Variants in CEP112 observed in about 807,000 individuals in gnomAD.
CEP112 encodes the protein centrosomal protein of 112 kDa.
In CEP112, 127 loss-of-function variants were observed where a neutral mutation model predicts 153.0. That is an observed-to-expected ratio of 0.83 (90% CI 0.72 to 0.96). CEP112 has a LOEUF of 0.96. Ranked by LOEUF, CEP112 falls within the 40% of genes least tolerant of loss-of-function variation. The probability of loss-of-function intolerance (pLI) is 0.00; values close to 1 mark genes in which losing one functional copy is unlikely to be tolerated. For missense variants in CEP112, 1,089 were observed against 1,101.2 expected, an observed-to-expected ratio of 0.99 and a Z score of 0.16; for synonymous variants, 358 against 374.4, an observed-to-expected ratio of 0.96 and a Z score of 0.51.
intron 6 of CEP112, among the ~76,000 whole-genome samples, chr17:66,117,312 T>C (rs564472667): frequency 6.6e-6 from 1 of 152,284 alleles, no homozygotes; most frequent in South Asian, 2.1e-4. Flanking sequence ...TTCAGCTCTT[T>C]TACCCATCGT....
chr17:66,151,355 A>G (rs2071203358), intron 4 of CEP112, among the ~76,000 whole-genome samples: 1 of 151,852 alleles, frequency 6.6e-6, no homozygotes, highest in African/African-American at 2.4e-5. Flanking sequence ...ATACCTAGCT[A>G]TATGTCTTTT....
chr17:65,966,412 G>C (rs1359990500), intron 17 of CEP112, among the ~76,000 whole-genome samples: 2 of 152,180 alleles, frequency 1.3e-5, no homozygotes, highest in South Asian at 4.1e-4. Context: ...TTCTGTTCCA[G>C]TACATTTGAT....
At chr17:66,035,917 A>C (rs919461700) in intron 12 of CEP112, among the ~76,000 whole-genome samples, 3 of 152,222 alleles carry the variant, frequency 2.0e-5, no homozygotes, top group Non-Finnish European at 2.9e-5. Context: ...GTGATGGGGG[A>C]AAGTCAGCCT....
chr17:65,637,409 GC>G (rs2044830641), intron 25 of CEP112, among the ~76,000 whole-genome samples: 1 of 152,202 alleles, frequency 6.6e-6, no homozygotes, highest in African/African-American at 2.4e-5. Context: ...TCATTGCAGA[GC>G]CATTTTGATC....
intron 17 of CEP112, among the ~76,000 whole-genome samples, chr17:65,963,048 G>T: frequency 6.6e-6 from 1 of 152,162 alleles, no homozygotes; most frequent in East Asian, 1.9e-4. Flanking sequence ...AGGGCTTAGA[G>T]AATACTTCCA....
intron 2 of CEP112, among the ~76,000 whole-genome samples, chr17:66,179,350 G>T (rs2072620914): frequency 6.6e-6 from 1 of 151,692 alleles, no homozygotes; most frequent in Admixed American, 6.6e-5. Flanking sequence ...CTGTTTTTTT[G>T]TGTCTTCTTC....
rs542639760 is a variant in CEP112, at chr17:65,696,826, G to A, written c.2608-7608C>T. 1.1e-4 allele frequency among the ~76,000 whole-genome samples: 16 copies of A among 151,988 alleles called. No homozygotes were observed. The East Asian group carries it at 2.1e-3, about 20-fold the overall frequency. On this transcript the variant is annotated intron_variant, in intron 23 of 26. Transcript: ENST00000535342. ...TCAAAACATTGAAAAAAGAAAAAAA[G>A]TCCCACTTAAAAAAAAATGAGGTCA...
intron 19 of CEP112, among the ~76,000 whole-genome samples, chr17:65,903,611 T>C (rs1291593847): frequency 6.6e-6 from 1 of 152,178 alleles, no homozygotes; most frequent in Non-Finnish European, 1.5e-5. Flanking sequence ...TAATTCATTT[T>C]ATGAGGCCAG....
intron 17 of CEP112, among the ~76,000 whole-genome samples, chr17:65,966,906 T>C (rs1400478054): frequency 6.6e-6 from 1 of 152,174 alleles, no homozygotes; most frequent in African/African-American, 2.4e-5. Context: ...ACTTCCCAAA[T>C]TGATCTACAG....
intron 21 of CEP112, among the ~76,000 whole-genome samples, chr17:65,776,088 C>G (rs1188964575): frequency 6.6e-6 from 1 of 152,212 alleles, no homozygotes. Flanking sequence ...CAGTCTCACA[C>G]AAGTCGCTGG....
chr17:65,923,949 T>C (rs368122786), intron 19 of CEP112, among the ~76,000 whole-genome samples: 10 of 152,172 alleles, frequency 6.6e-5, no homozygotes, highest in Non-Finnish European at 1.5e-5. Context: ...AATAAGTATA[T>C]AGTATTCCAC....
In CEP112 at chr17:66,009,845, T is replaced by C. The variant is rs189904625; in HGVS notation, c.1657-4076A>G. 3.1e-3 allele frequency among the ~76,000 whole-genome samples: 478 copies of C among 152,356 alleles called. 3 individuals carry two copies. Among genetic ancestry groups the C allele is most frequent in the Middle Eastern group, 0.01 (3 of 294 alleles). On this transcript the variant is annotated intron_variant, in intron 16 of 26. Transcript: ENST00000535342. ...ATGTGTCTGTTTTGTACCAGTACCA[T>C]GCTGTTTTGCTTACAGTAGGCTTAT...
chr17:66,043,027 C>T (rs1372426535), intron 12 of CEP112: 8 of 898,474 alleles, frequency 8.9e-6, no homozygotes, highest in Admixed American at 6.2e-5. Flanking sequence ...TATGTCACTA[C>T]TAACATAGTT....
At chr17:66,099,633 T>G (rs2068486884) in intron 6 of CEP112, among the ~76,000 whole-genome samples, 3 of 151,758 alleles carry the variant, frequency 2.0e-5, no homozygotes, top group Admixed American at 1.3e-4. Flanking sequence ...AGAAATAAAG[T>G]AAGCCACCCA....
chr17:66,023,616 A>G (rs1381708158), intron 16 of CEP112, among the ~76,000 whole-genome samples: 1 of 152,200 alleles, frequency 6.6e-6, no homozygotes, highest in Non-Finnish European at 1.5e-5. Flanking sequence ...CCATAAAAAC[A>G]CATTTAAGTA....
chr17:65,982,823 T>A (rs2063275864), intron 17 of CEP112, among the ~76,000 whole-genome samples: 1 of 152,138 alleles, frequency 6.6e-6, no homozygotes, highest in South Asian at 2.1e-4. Context: ...TGGCCATCAA[T>A]AGTTGAGTAG....
intron 4 of CEP112, among the ~76,000 whole-genome samples, chr17:66,136,050 C>T (rs779493925): frequency 2.6e-4 from 39 of 152,180 alleles, no homozygotes; most frequent in Non-Finnish European, 4.1e-4. Flanking sequence ...GGCTCCTGTA[C>T]TCCAGGCAAG....
intron 16 of CEP112, among the ~76,000 whole-genome samples, chr17:66,017,944 G>A (rs1368161238): frequency 6.6e-6 from 1 of 151,498 alleles, no homozygotes; most frequent in African/African-American, 2.4e-5. Flanking sequence ...AGACTGCAGT[G>A]AGCTGAGATT....
At chr17:65,680,732 T>C (rs2047478611) in intron 24 of CEP112, among the ~76,000 whole-genome samples, 1 of 152,182 alleles carries the variant, frequency 6.6e-6, no homozygotes, top group Admixed American at 6.5e-5. Context: ...GGGTAATTTA[T>C]AAACAAAGGA....
Sources: allele counts gnomAD v4.1 joint callset (sites outside exome capture counted in the v4.1 genomes callset), GRCh38; gene constraint gnomAD v4.1.1; transcripts MANE v1.5; gene names NCBI Gene and HGNC (gene_info 2026-07-23, HGNC 2026-07-21).